Variants in ZNF623 observed in about 807,000 individuals in gnomAD.
ZNF623 encodes the protein zinc finger protein 623.
ZNF623 carries 16 observed loss-of-function variants against 24.0 expected under a neutral mutation model. That is an observed-to-expected ratio of 0.67 (90% confidence interval 0.45 to 1.01). The LOEUF is 1.01. Among genes scored for constraint, ZNF623 ranks in the 50% least tolerant of loss-of-function variants. The pLI, the probability that ZNF623 is intolerant of heterozygous loss-of-function variation, is 0.00. For synonymous variants in ZNF623, 224 were observed against 219.8 expected (o/e 1.02, Z -0.17); for missense variants, 566 against 606.5 (o/e 0.93, Z 0.70).
chr8:143,643,651 A>G (rs1176238325), intron 1 of ZNF623, among the ~76,000 whole-genome samples: 1 of 152,238 alleles, frequency 6.6e-6, no homozygotes, highest in Non-Finnish European at 1.5e-5. Flanking sequence ...TGCCAGTGAC[A>G]GTGTCTCCTG....
Position 143,650,605 on chromosome 8 carries a change from A to G in ZNF623, c.613A>G (p.Ser205Gly). Residue 205 changes from serine to glycine, a missense_variant, in exon 2 of 2, where the codon AGT (serine) becomes GGT (glycine). Ser to Gly is a moderately conservative substitution (Grantham distance 56). This residue lies in a region of ZNF623 where 313 missense variants were observed against 300.4 expected (regional missense o/e 1.04). Coordinates refer to ENST00000526926, the MANE Select transcript of ZNF623 (RefSeq NM_001261843.2). The surrounding 1 kb of genome is among the most constrained non-coding windows in gnomAD (Gnocchi z 5.2). ...FECKECGKGFSQSSLLIRHQR... is the reference protein window; with the variant it reads ...FECKECGKGFGQSSLLIRHQR... ...ATGCAAAGAGTGTGGGAAAGGCTTC[A>G]GTCAGAGCTCCTTACTTATTCGCCA... is the stretch of plus-strand genomic sequence containing the variant. The G allele has an allele frequency of 6.2e-7, 1 of 1,613,828 alleles. No homozygotes were observed. Among genetic ancestry groups the G allele is most frequent in the Non-Finnish European group, 8.5e-7 (1 of 1,179,946 alleles).
chr8:143,645,574 G>A (rs1815159739), intron 1 of ZNF623, among the ~76,000 whole-genome samples: 1 of 152,188 alleles, frequency 6.6e-6, no homozygotes, highest in Non-Finnish European at 1.5e-5. Context: ...TTCCATGGCA[G>A]AGCCTCAGAT....
rs1388074309 is a variant in ZNF623 at position 143,645,158 on chromosome 8, G to A, written c.-95-4740G>A. 4.1e-5 allele frequency among the ~76,000 whole-genome samples: 6 copies of A among 144,912 alleles called. No homozygotes were observed. The East Asian group carries it at 1.1e-3, about 26-fold the overall frequency. On this transcript the variant is annotated intron_variant, in intron 1 of 1. Transcript: ENST00000526926. ...AAAAAAAAAGAGAGAAAATACAAATGGTCGGCCGAGCGTGGTGGCTCATGC... is the reference window on the plus strand; with the variant it reads ...AAAAAAAAAGAGAGAAAATACAAATAGTCGGCCGAGCGTGGTGGCTCATGC...
In ZNF623 at chr8:143,650,043, G is replaced by A. The variant is rs746958559; in HGVS notation, c.51G>A (p.Gly17=). The change falls in exon 2 of 2, where the codon GGG becomes GGA. Residue 17 remains glycine, a synonymous_variant. Coordinates refer to ENST00000526926, the MANE Select transcript of ZNF623 (RefSeq NM_001261843.2). The surrounding 1 kb of genome is among the most constrained non-coding windows in gnomAD (Gnocchi z 5.2). The stretch of plus-strand genomic sequence containing the variant: ...AGGAAGTCCACGAGCCCAGATTAGG[G>A]GAGCTCTTGGGAAATCCAGAAGGTC... The part of the protein sequence containing the change: ...ESEEVHEPRL[G]ELLGNPEGQS... 20 of 1,614,022 alleles carry A rather than the reference G, an allele frequency of 1.2e-5. No homozygotes were observed. The highest frequency in any genetic ancestry group is 4.5e-5 in the East Asian group (2 of 44,880).
In ZNF623 at chr8:143,650,243, C is replaced by T; in HGVS notation, c.251C>T (p.Pro84Leu). 6.2e-7 allele frequency: 1 copy of T among 1,614,232 alleles called. No individual in the cohort carries two copies. Among genetic ancestry groups the T allele is most frequent in the Non-Finnish European group, 8.5e-7 (1 of 1,180,046 alleles). Residue 84 changes from proline to leucine, a missense_variant, in exon 2 of 2, where the codon CCT becomes CTT. Transcript: ENST00000526926. The surrounding 1 kb of genome is among the most constrained non-coding windows in gnomAD (Gnocchi z 5.2). Reference protein sequence around the residue: ...QRELIEGEANPCDICGKTFTF... With the variant: ...QRELIEGEANLCDICGKTFTF... Reference sequence around the variant, plus strand: ...GAGCTCATAGAGGGGGAAGCCAATCCTTGCGATATCTGTGGCAAAACCTTC... The same window carrying T: ...GAGCTCATAGAGGGGGAAGCCAATCTTTGCGATATCTGTGGCAAAACCTTC...
At chr8:143,647,586 G>A (rs1229111488) in intron 1 of ZNF623, among the ~76,000 whole-genome samples, 2 of 152,234 alleles carry the variant, frequency 1.3e-5, no homozygotes, top group Non-Finnish European at 2.9e-5. Context: ...AAAGTGCAAA[G>A]GCTCCGAGGG....
intron 1 of ZNF623, among the ~76,000 whole-genome samples, chr8:143,639,281 G>C (rs1814995293): frequency 6.6e-6 from 1 of 152,080 alleles, no homozygotes. Context: ...GCAATGGCGT[G>C]ATCTCAGCTC....
In ZNF623 at chr8:143,650,740, CAG is replaced by C. The variant is rs1453917400; in HGVS notation, c.749_750del (p.Gln250LeufsTer2). ...RHYQIHTEVK[Q>X]YECKECGKAF... ...TTATCAGATCCACACAGAAGTGAAA[CAG>C]TATGAATGCAAAGAATGTGGGAAGG... On this transcript the variant is annotated frameshift_variant, in exon 2 of 2. Coordinates refer to ENST00000526926, the MANE Select transcript of ZNF623 (RefSeq NM_001261843.2). LOFTEE classifies it high-confidence loss of function. The surrounding 1 kb of genome is among the most constrained non-coding windows in gnomAD (Gnocchi z 5.2). 6.2e-7 allele frequency: 1 copy of C among 1,614,052 alleles called. No individual in the cohort carries two copies. The highest frequency in any genetic ancestry group is 1.3e-5 in the African/African-American group (1 of 74,914).
chr8:143,651,734 A>G lies in ZNF623; in HGVS notation c.*251A>G. Reference sequence around the variant, plus strand: ...GGAACAGTAGGGGCAGGGAGAAGACAGGTCTCAAGAAAAGGTTTTTAAGAA... The same window carrying G: ...GGAACAGTAGGGGCAGGGAGAAGACGGGTCTCAAGAAAAGGTTTTTAAGAA... On this transcript the variant is annotated 3_prime_UTR_variant, in exon 2 of 2. Transcript: ENST00000526926. 8.9e-6 allele frequency: 4 copies of G among 449,482 alleles called. No homozygotes were observed. The highest frequency in any genetic ancestry group is 6.0e-5 in the South Asian group (1 of 16,716). The allele number at this position is 449,482 out of a possible 1,614,324, so 27.8% of individuals were successfully genotyped here.
chr8:143,642,678 T>C (rs1815082589), intron 1 of ZNF623, among the ~76,000 whole-genome samples: 1 of 152,154 alleles, frequency 6.6e-6, no homozygotes, highest in African/African-American at 2.4e-5. Context: ...AATATTGTTA[T>C]ATCCAGGGAA....
intron 1 of ZNF623, among the ~76,000 whole-genome samples, chr8:143,643,230 A>G (rs1426877227): frequency 6.6e-6 from 1 of 152,110 alleles, no homozygotes; most frequent in Non-Finnish European, 1.5e-5. Flanking sequence ...ACGAAATCTG[A>G]ATGAGTTTGG....
rs1188937404 is a variant in ZNF623 at position 143,651,080 on chromosome 8, A to G, written c.1088A>G (p.Tyr363Cys). Residue 363 changes from tyrosine to cysteine, a missense_variant, in exon 2 of 2, where the codon TAT becomes TGT. Around this residue, in one of 3 missense-constraint regions of ZNF623, gnomAD observed 117 missense variants for 174.2 expected, o/e 0.67. Transcript: ENST00000526926. The part of the protein sequence containing the change: ...HQKIHTGERV[Y>C]ECKECGKAFL... Reference sequence around the variant, plus strand: ...AAAATCCACACTGGAGAGAGAGTGTATGAATGTAAGGAATGTGGGAAAGCG... The same window carrying G: ...AAAATCCACACTGGAGAGAGAGTGTGTGAATGTAAGGAATGTGGGAAAGCG... 8 of 1,614,200 alleles carry G rather than the reference A, an allele frequency of 5.0e-6. 1 individual carries two copies. In the South Asian group the frequency reaches 7.7e-5, roughly 16 times the overall value.
Position 143,650,144 on chromosome 8 carries a change from G to A in ZNF623, c.152G>A (p.Gly51Glu), listed in dbSNP as rs1450005176. ...GTGACCCATTGGAAGATCCAGACAG[G>A]AGAGACAGCTCAAGTGTGCACCAAG... ...VTVTHWKIQTGETAQVCTKSG... is the reference protein window; with the variant it reads ...VTVTHWKIQTEETAQVCTKSG... Residue 51 changes from glycine (G) to glutamate (E), a missense_variant, in exon 2 of 2, where the codon GGA (glycine) becomes GAA (glutamate). Gly to Glu is a moderately conservative substitution (Grantham distance 98). Coordinates refer to ENST00000526926, the MANE Select transcript of ZNF623 (RefSeq NM_001261843.2). The surrounding 1 kb of genome is among the most constrained non-coding windows in gnomAD (Gnocchi z 5.2). 1.2e-6 allele frequency: 2 copies of A among 1,614,126 alleles called. No homozygotes were observed. The highest frequency in any genetic ancestry group is 1.7e-6 in the Non-Finnish European group (2 of 1,180,040).
chr8:143,640,458 C>G (rs758303206), intron 1 of ZNF623, among the ~76,000 whole-genome samples: 6 of 152,160 alleles, frequency 3.9e-5, no homozygotes, highest in African/African-American at 1.4e-4. Context: ...CAAAGCTGTT[C>G]GCTAGTATTT....
chr8:143,644,300 G>T (rs1815121762), intron 1 of ZNF623, among the ~76,000 whole-genome samples: 1 of 152,204 alleles, frequency 6.6e-6, no homozygotes, highest in Non-Finnish European at 1.5e-5. Context: ...TTACAGGCAT[G>T]AGCCGCTGTA....
chr8:143,639,983 G>A (rs1815013225), intron 1 of ZNF623, among the ~76,000 whole-genome samples: 1 of 152,128 alleles, frequency 6.6e-6, no homozygotes, highest in Non-Finnish European at 1.5e-5. Context: ...AATTTGATGG[G>A]GTTTCTAACA....
At position 143,649,423 on chromosome 8, in the gene ZNF623, A is replaced by G. The variant is rs1030083716; in HGVS notation, c.-95-475A>G. ...GCAGGGGAGCCCGATTCTGTGCAGG[A>G]GGGTGATTCTCATGCAACTTACAGT... On this transcript the variant is annotated intron_variant, in intron 1 of 1. Transcript: ENST00000526926. Among the ~76,000 whole-genome samples, 12 of 152,270 alleles carry G rather than the reference A, an allele frequency of 7.9e-5. No individual in the cohort carries two copies. The Middle Eastern group carries it at 0.014, about 173-fold the overall frequency.
Position 143,650,684 on chromosome 8 carries a change from C to T in ZNF623, c.692C>T (p.Ser231Phe). 3 of 1,613,914 alleles carry T rather than the reference C, an allele frequency of 1.9e-6. No individual in the cohort carries two copies. Among genetic ancestry groups the T allele is most frequent in the Non-Finnish European group, 2.5e-6 (3 of 1,179,992 alleles). ...TATGAGTGCAATGAATGTGGGAAAT[C>T]CTTCATAAGGAGCTCGAGCCTCATT... is the stretch of plus-strand genomic sequence containing the variant. ...RPYECNECGK[S>F]FIRSSSLIRH... The change falls in exon 2 of 2, where the codon TCC becomes TTC. Residue 231 changes from serine (S) to phenylalanine (F), a missense_variant. Physicochemically the swap from Ser to Phe is radical, Grantham distance 155 (BLOSUM62 -2). Coordinates refer to ENST00000526926, the MANE Select transcript of ZNF623 (RefSeq NM_001261843.2). The surrounding 1 kb of genome is among the most constrained non-coding windows in gnomAD (Gnocchi z 5.2).
chr8:143,640,520 C>T (rs1197161410), intron 1 of ZNF623, among the ~76,000 whole-genome samples: 2 of 152,234 alleles, frequency 1.3e-5, no homozygotes, highest in African/African-American at 4.8e-5. Flanking sequence ...CAAACCCTGC[C>T]TGTGTTTTAT....
Sources: allele counts gnomAD v4.1 joint callset (sites outside exome capture counted in the v4.1 genomes callset), GRCh38; gene constraint gnomAD v4.1.1; regional missense constraint gnomAD v4.1.1; non-coding constraint Gnocchi (gnomAD v3.1); transcripts MANE v1.5; gene names NCBI Gene and HGNC (gene_info 2026-07-23, HGNC 2026-07-21).